FSTL4: variants seen among roughly 807,000 people sequenced by gnomAD.
The protein encoded by FSTL4 is follistatin-related protein 4.
Under a neutral mutation model 78.2 loss-of-function variants are expected in FSTL4, and 28 were observed. The ratio of observed to expected loss-of-function variants is 0.36; its 90% CI spans 0.27 to 0.49. The LOEUF is 0.49. Among genes scored for constraint, FSTL4 ranks in the 20% least tolerant of loss-of-function variants. The pLI is 0.98. For missense variants in FSTL4, 922 were observed against 1,084.9 expected (o/e 0.85, Z 2.11); for synonymous variants, 422 against 440.5 (o/e 0.96, Z 0.53).
chr5:133,782,727 C>A, the FSTL4 span, among the ~76,000 whole-genome samples: 1 of 152,204 alleles, frequency 6.6e-6, no homozygotes, highest in Admixed American at 6.5e-5. Flanking sequence ...TACTGTAGAG[C>A]CGGTTAGTAT....
chr5:133,419,363 C>G (rs1317046088), intron 3 of FSTL4, among the ~76,000 whole-genome samples: 2 of 152,202 alleles, frequency 1.3e-5, no homozygotes, highest in African/African-American at 4.8e-5. Context: ...CATGATCTGC[C>G]TGCCTTGGCC....
chr5:133,254,939 G>T (rs1752347472), intron 6 of FSTL4, among the ~76,000 whole-genome samples: 1 of 152,208 alleles, frequency 6.6e-6, no homozygotes, highest in African/African-American at 2.4e-5. Context: ...CCCCAGGCCT[G>T]GTCTCTGCTC....
chr5:133,230,451 T>G (rs536153763), intron 8 of FSTL4, among the ~76,000 whole-genome samples: 1 of 152,220 alleles, frequency 6.6e-6, no homozygotes, highest in Non-Finnish European at 1.5e-5. Flanking sequence ...GTCAAGGGTG[T>G]GGAATGAATC....
intron 3 of FSTL4, among the ~76,000 whole-genome samples, chr5:133,448,283 T>C (rs1256654904): frequency 6.6e-6 from 1 of 152,172 alleles, no homozygotes; most frequent in Admixed American, 6.5e-5. Flanking sequence ...TGCACCTCTA[T>C]TTTCCACAGG....
intron 3 of FSTL4, among the ~76,000 whole-genome samples, chr5:133,449,803 T>C (rs1050585604): frequency 1.3e-5 from 2 of 152,146 alleles, no homozygotes; most frequent in Admixed American, 6.5e-5. Flanking sequence ...GCGGGTCTTT[T>C]AAGTATTGGC....
chr5:133,699,277 T>C, the FSTL4 span, among the ~76,000 whole-genome samples: 2 of 152,092 alleles, frequency 1.3e-5, no homozygotes, highest in Non-Finnish European at 2.9e-5. Context: ...GTCAGGCCAT[T>C]TGGAGCTGGG....
intron 2 of FSTL4, among the ~76,000 whole-genome samples, chr5:133,581,337 T>C (rs1041467239): frequency 1.3e-5 from 2 of 152,194 alleles, no homozygotes; most frequent in African/African-American, 2.4e-5. Context: ...CCTCTTTCTG[T>C]TCCTCACGTA....
chr5:133,764,225 G>A, the FSTL4 span, among the ~76,000 whole-genome samples: 1 of 152,288 alleles, frequency 6.6e-6, no homozygotes, highest in Non-Finnish European at 1.5e-5. Flanking sequence ...CCAGCTCCCA[G>A]CCCAGCCTTC....
At chr5:133,564,992 T>C (rs908125373) in intron 3 of FSTL4, among the ~76,000 whole-genome samples, 1 of 152,194 alleles carries the variant, frequency 6.6e-6, no homozygotes, top group African/African-American at 2.4e-5. Context: ...AAACCTTCAA[T>C]GGAGGGGATG....
At chr5:133,624,910 G>C in the FSTL4 span, among the ~76,000 whole-genome samples, 1 of 151,494 alleles carries the variant, frequency 6.6e-6, no homozygotes, top group East Asian at 1.9e-4. Flanking sequence ...TTACTATGTT[G>C]AGTATGTCTC....
chr5:133,260,178 G>A (rs893470753), intron 6 of FSTL4, among the ~76,000 whole-genome samples: 55 of 152,304 alleles, frequency 3.6e-4, no homozygotes, highest in African/African-American at 1.3e-3. Flanking sequence ...CGCTCGAGCA[G>A]CCGAAGGCAG....
intron 3 of FSTL4, among the ~76,000 whole-genome samples, chr5:133,547,702 A>G (rs1759610910): frequency 1.3e-5 from 2 of 152,222 alleles, no homozygotes; most frequent in East Asian, 3.8e-4. Flanking sequence ...CCTTTTGGCA[A>G]GCACTCAGCT....
intron 6 of FSTL4, among the ~76,000 whole-genome samples, chr5:133,262,573 C>T (rs1197780807): frequency 6.6e-6 from 1 of 152,188 alleles, no homozygotes; most frequent in African/African-American, 2.4e-5. Context: ...CATAAAGCTC[C>T]GACCACAATC....
At chr5:133,222,891 A>G (rs1411555392) in intron 11 of FSTL4, among the ~76,000 whole-genome samples, 1 of 152,124 alleles carries the variant, frequency 6.6e-6, no homozygotes, top group Non-Finnish European at 1.5e-5. Flanking sequence ...CTATCTCCAG[A>G]CCTTGAGTTT....
intron 7 of FSTL4, among the ~76,000 whole-genome samples, chr5:133,241,010 T>C (rs1207804276): frequency 6.6e-6 from 1 of 152,104 alleles, no homozygotes; most frequent in Non-Finnish European, 1.5e-5. Context: ...AGGGCAGCCA[T>C]GTGGGCAGTA....
the FSTL4 span, among the ~76,000 whole-genome samples, chr5:133,812,664 C>T: frequency 4.6e-5 from 7 of 152,348 alleles, no homozygotes; most frequent in African/African-American, 1.7e-4. Flanking sequence ...TACTCAGTGT[C>T]CCCACTTTAT....
chr5:133,416,641 C>T (rs1342441328), intron 3 of FSTL4, among the ~76,000 whole-genome samples: 2 of 152,140 alleles, frequency 1.3e-5, no homozygotes, highest in Non-Finnish European at 2.9e-5. Flanking sequence ...GTGGTGTCAC[C>T]AGTTGACATA....
intron 6 of FSTL4, among the ~76,000 whole-genome samples, chr5:133,311,083 T>A (rs1408820822): frequency 6.6e-6 from 1 of 152,208 alleles, no homozygotes; most frequent in African/African-American, 2.4e-5. Context: ...ATTTCTATGA[T>A]GTAAATATTC....
intron 6 of FSTL4, among the ~76,000 whole-genome samples, chr5:133,276,239 AG>A (rs1279307553): frequency 6.6e-6 from 1 of 152,192 alleles, no homozygotes; most frequent in African/African-American, 2.4e-5. Context: ...CCCTGTCTTC[AG>A]CTGGCTGCCA....
Sources: allele counts gnomAD v4.1 joint callset (sites outside exome capture counted in the v4.1 genomes callset), GRCh38; gene constraint gnomAD v4.1.1; transcripts MANE v1.5; gene names NCBI Gene and HGNC (gene_info 2026-07-23, HGNC 2026-07-21).